Variants in RREB1 observed in about 807,000 individuals in gnomAD.
RREB1 encodes the protein ras responsive element binding protein 1, also known as ras-responsive element-binding protein 1.
Under a neutral mutation model 117.8 loss-of-function variants are expected in RREB1, and 27 were observed. The ratio of observed to expected loss-of-function variants is 0.23; its 90% CI spans 0.17 to 0.32. RREB1 has a LOEUF of 0.32. Ranked by LOEUF, RREB1 falls within the 10% of genes least tolerant of loss-of-function variation. The pLI is 1.00. For missense variants in RREB1, 2,577 were observed against 2,378.2 expected (o/e 1.08, Z -1.74); for synonymous variants, 1,298 against 1,026.7 (o/e 1.26, Z -5.05).
At position 7,247,072 on chromosome 6, in the gene RREB1, C is replaced by T. The variant is rs1769126718; in HGVS notation, c.4622C>T (p.Ser1541Leu). Reference sequence around the variant, plus strand: ...GAGAGCGCGGCCGAGAAAAGGTCCTCAGAGAAGAGCGACGATGACAAGAAA... The same window carrying T: ...GAGAGCGCGGCCGAGAAAAGGTCCTTAGAGAAGAGCGACGATGACAAGAAA... Reference protein sequence around the residue: ...DGESAAEKRSSEKSDDDKKPK... With the variant: ...DGESAAEKRSLEKSDDDKKPK... Residue 1541 changes from serine to leucine, a missense_variant, in exon 12 of 13, where the codon TCA becomes TTA. Ser to Leu is a moderately radical substitution (Grantham distance 145). Coordinates refer to ENST00000379938, the MANE Select transcript of RREB1 (RefSeq NM_001003699.4). 1 of 1,613,672 alleles carries T rather than the reference C, an allele frequency of 6.2e-7. No homozygotes were observed. Among genetic ancestry groups the T allele is most frequent in the Non-Finnish European group, 8.5e-7 (1 of 1,179,934 alleles).
At chr6:7,240,649 A>AGT in intron 11 of RREB1, 47 bp downstream of exon 11, 1 of 1,565,664 alleles carries the variant, frequency 6.4e-7, no homozygotes, top group Non-Finnish European at 8.7e-7. Flanking sequence ...GAGAGAGAGG[A>AGT]GTTCGGTTAA....
chr6:7,176,957 C>T (rs957572234), intron 2 of RREB1, among the ~76,000 whole-genome samples, 184 bp downstream of exon 2: 9 of 152,044 alleles, frequency 5.9e-5, no homozygotes, highest in African/African-American at 1.7e-4. Context: ...TGGCTCACAC[C>T]TATAATTCCA....
rs773427320 is a variant in RREB1 at position 7,231,052 on chromosome 6, C to T, written c.2953C>T (p.Pro985Ser). 2 of 1,613,880 alleles carry T rather than the reference C, an allele frequency of 1.2e-6. No individual in the cohort carries two copies. The highest frequency in any genetic ancestry group is 1.7e-6 in the Non-Finnish European group (2 of 1,180,030). ...PGPSLPVTLG[P>S]SGILESPMAP... ...CCCTTCTCTTCCTGTAACTTTGGGG[C>T]CCAGCGGAATCCTGGAAAGCCCCAT... Residue 985 changes from proline (P) to serine (S), a missense_variant, in exon 10 of 13, where the codon CCC becomes TCC. By Grantham distance (74) the Pro-to-Ser change is moderately conservative. Transcript: ENST00000379938.
chr6:7,197,598 G>A (rs1056786840), intron 6 of RREB1, among the ~76,000 whole-genome samples: 2 of 152,186 alleles, frequency 1.3e-5, no homozygotes, highest in Non-Finnish European at 2.9e-5. Context: ...CTCATGAGGC[G>A]GAGGCTGCAG....
intron 6 of RREB1, among the ~76,000 whole-genome samples, chr6:7,207,016 A>G (rs533194673): frequency 5.3e-5 from 8 of 152,264 alleles, no homozygotes; most frequent in South Asian, 2.1e-4. Flanking sequence ...GGGGAGTGGT[A>G]TGATTGGTCC....
At chr6:7,116,111 G>A (rs371364325) in intron 1 of RREB1, among the ~76,000 whole-genome samples, 20 of 152,306 alleles carry the variant, frequency 1.3e-4, no homozygotes, top group African/African-American at 4.3e-4. Flanking sequence ...AGCCGTGCGT[G>A]GTGTTTGCCT....
At position 7,230,550 on chromosome 6, in the gene RREB1, C is replaced by G. The variant is rs764086061; in HGVS notation, c.2451C>G (p.Pro817=). Reference sequence around the variant, plus strand: ...TCCTCAAGCAGCACCTGCACGTGCCCGAGCAGGACATCGAGAGCTACGTGC... The same window carrying G: ...TCCTCAAGCAGCACCTGCACGTGCCGGAGCAGGACATCGAGAGCTACGTGC... The part of the protein sequence containing the change: ...HHILKQHLHV[P]EQDIESYVLA... Residue 817 remains proline (P), a synonymous_variant, in exon 10 of 13, where the codon CCC becomes CCG. Coordinates refer to ENST00000379938, the MANE Select transcript of RREB1 (RefSeq NM_001003699.4). The G allele has an allele frequency of 9.4e-6, 15 of 1,599,260 alleles. No homozygotes were observed. The highest frequency in any genetic ancestry group is 1.2e-5 in the Non-Finnish European group (14 of 1,176,438).
At chr6:7,183,005 T>A (rs1764885027) in intron 4 of RREB1, 1 of 152,178 alleles carries the variant, frequency 6.6e-6, no homozygotes, top group South Asian at 2.1e-4. Context: ...TGAGTATTAA[T>A]ATGATGGTTT....
At chr6:7,202,979 A>G (rs1465431971) in intron 6 of RREB1, among the ~76,000 whole-genome samples, 1 of 152,236 alleles carries the variant, frequency 6.6e-6, no homozygotes, top group South Asian at 2.1e-4. Flanking sequence ...GTAAATAGAT[A>G]TGGGGACCAA....
intron 1 of RREB1, among the ~76,000 whole-genome samples, chr6:7,132,652 CA>C (rs958873808): frequency 4.6e-5 from 7 of 152,170 alleles, no homozygotes; most frequent in Non-Finnish European, 8.8e-5. Flanking sequence ...AGGCATGCAC[CA>C]TTGTTGAAAA....
At chr6:7,120,813 ATTTTTTTT>A (rs754044532) in intron 1 of RREB1, among the ~76,000 whole-genome samples, 11 of 109,664 alleles carry the variant, frequency 1.0e-4, no homozygotes, top group African/African-American at 3.7e-4. Context: ...CGCTTGGCTA[ATTTTTTTT>A]TTTTTTTTTT....
In RREB1 at chr6:7,249,050, G is replaced by T; in HGVS notation, c.*82G>T. 2.0e-6 allele frequency: 2 copies of T among 976,590 alleles called. No individual in the cohort carries two copies. Among genetic ancestry groups the T allele is most frequent in the Non-Finnish European group, 2.9e-6 (2 of 691,862 alleles). 60.5% of individuals were successfully genotyped at this position (976,590 alleles called of 1,614,324 possible). On this transcript the variant is annotated 3_prime_UTR_variant, in exon 13 of 13. Transcript: ENST00000379938. ...CATGGGGTTTCCTCAGTGCCCTTTG[G>T]CTGTTGAGGAGTGAGAGAGAGAGAG...
intron 1 of RREB1, among the ~76,000 whole-genome samples, chr6:7,121,962 T>C (rs1300353613): frequency 6.6e-6 from 1 of 152,136 alleles, no homozygotes; most frequent in Non-Finnish European, 1.5e-5. Flanking sequence ...GTCACCTACT[T>C]AGGATTTCTG....
At chr6:7,221,384 G>A (rs1378220476) in intron 8 of RREB1, among the ~76,000 whole-genome samples, 2 of 152,098 alleles carry the variant, frequency 1.3e-5, no homozygotes, top group Non-Finnish European at 2.9e-5. Context: ...TTGTTAGCCA[G>A]GATGGTCTCG....
chr6:7,239,916 C>G (rs1768586162), intron 10 of RREB1, among the ~76,000 whole-genome samples: 1 of 152,192 alleles, frequency 6.6e-6, no homozygotes, highest in South Asian at 2.1e-4. Context: ...GACACAGCCA[C>G]CAAGGCCAGG....
At chr6:7,182,427 T>G (rs977906285) in intron 4 of RREB1, among the ~76,000 whole-genome samples, 2 of 152,202 alleles carry the variant, frequency 1.3e-5, no homozygotes, top group Admixed American at 1.3e-4. Context: ...CTGGCTATTT[T>G]TAAGTATCTT....
chr6:7,133,675 T>C (rs1465023708), intron 1 of RREB1, among the ~76,000 whole-genome samples: 2 of 152,176 alleles, frequency 1.3e-5, no homozygotes, highest in African/African-American at 4.8e-5. Flanking sequence ...GGATTAAAAA[T>C]TATTTTTTCA....
chr6:7,191,805 A>C (rs1267811248), intron 6 of RREB1, among the ~76,000 whole-genome samples: 1 of 152,176 alleles, frequency 6.6e-6, no homozygotes, highest in Non-Finnish European at 1.5e-5. Flanking sequence ...TGTTCCCTCC[A>C]ACCTTACCTC....
chr6:7,245,376 C>T (rs1052748982), intron 11 of RREB1, among the ~76,000 whole-genome samples: 6 of 152,140 alleles, frequency 3.9e-5, no homozygotes, highest in Non-Finnish European at 8.8e-5. Flanking sequence ...GCCTGGGCGA[C>T]AAGGCGAAAC....
Sources: allele counts gnomAD v4.1 joint callset (sites outside exome capture counted in the v4.1 genomes callset), GRCh38; gene constraint gnomAD v4.1.1; transcripts MANE v1.5; gene names NCBI Gene and HGNC (gene_info 2026-07-23, HGNC 2026-07-21).